Variants in PAH observed in about 807,000 individuals in gnomAD.
PAH encodes the protein phenylalanine-4-hydroxylase.
Under a neutral mutation model 62.0 loss-of-function variants are expected in PAH, and 64 were observed. That is an observed-to-expected ratio of 1.03 (90% confidence interval 0.84 to 1.27). PAH has a LOEUF of 1.27. Among genes scored for constraint, PAH ranks in the 50% most tolerant of loss-of-function variants. The pLI is 0.00. For synonymous variants in PAH, 195 were observed against 196.2 expected (o/e 0.99, Z 0.05); for missense variants, 579 against 542.8 (o/e 1.07, Z -0.66).
At chr12:102,942,519 A>G (rs989389603) in intron 1 of PAH, among the ~76,000 whole-genome samples, 4 of 152,128 alleles carry the variant, frequency 2.6e-5, no homozygotes, top group East Asian at 1.9e-4. Context: ...TGCTATTTCT[A>G]TGAAACTACC....
chr12:102,920,156 A>C (rs995053403), upstream of PAH, among the ~76,000 whole-genome samples: 5 of 152,244 alleles, frequency 3.3e-5, no homozygotes, highest in African/African-American at 1.2e-4. Context: ...TCTTTAAAAA[A>C]AATTATTCTG....
At chr12:102,857,956 T>C (rs1017878436) in intron 5 of PAH, among the ~76,000 whole-genome samples, 13 of 152,106 alleles carry the variant, frequency 8.5e-5, no homozygotes, top group Non-Finnish European at 1.0e-4. Flanking sequence ...AATGACAGGA[T>C]CAAATTCACA....
At chr12:102,885,954 C>G (rs572711995) in intron 3 of PAH, 5 of 152,522 alleles carry the variant, frequency 3.3e-5, no homozygotes, top group African/African-American at 9.6e-5. Context: ...GCAATGGCCT[C>G]CAGCCCCCCA....
intron 3 of PAH, among the ~76,000 whole-genome samples, chr12:102,878,508 C>T (rs1269973470): frequency 6.6e-6 from 1 of 152,060 alleles, no homozygotes; most frequent in Non-Finnish European, 1.5e-5. Flanking sequence ...AAACAAGATA[C>T]ATTGCAGGTG....
At chr12:102,892,085 C>T (rs1877302354) in intron 3 of PAH, among the ~76,000 whole-genome samples, 1 of 152,188 alleles carries the variant, frequency 6.6e-6, no homozygotes. Flanking sequence ...CAAGTGCCTG[C>T]CCTCCAGGGA....
At chr12:102,887,407 A>T (rs1877086907) in intron 3 of PAH, among the ~76,000 whole-genome samples, 1 of 152,106 alleles carries the variant, frequency 6.6e-6, no homozygotes, top group Non-Finnish European at 1.5e-5. Flanking sequence ...ACAATCCCAC[A>T]CATGAAGTTG....
intron 4 of PAH, among the ~76,000 whole-genome samples, chr12:102,870,795 G>C (rs1876276901): frequency 1.3e-5 from 2 of 152,118 alleles, no homozygotes; most frequent in Admixed American, 1.3e-4. Context: ...CCATCCTATA[G>C]ACATTGGTCA....
chr12:102,936,040 G>A (rs1879089002), intron 1 of PAH, among the ~76,000 whole-genome samples: 1 of 151,196 alleles, frequency 6.6e-6, no homozygotes, highest in Non-Finnish European at 1.5e-5. Context: ...TTTTCTTTTA[G>A]TACTACTTTC....
intron 1 of PAH, among the ~76,000 whole-genome samples, chr12:102,949,247 A>G (rs1367274100): frequency 1.3e-5 from 2 of 152,132 alleles, no homozygotes; most frequent in Non-Finnish European, 2.9e-5. Flanking sequence ...TGACCCAATG[A>G]CATTGCCTTC....
intron 3 of PAH, among the ~76,000 whole-genome samples, chr12:102,893,757 C>G (rs1877376979): frequency 6.6e-6 from 1 of 152,224 alleles, no homozygotes; most frequent in African/African-American, 2.4e-5. Context: ...CTATACTCTA[C>G]CACCCTTTTC....
At chr12:102,903,387 A>C (rs3847932) in intron 2 of PAH, among the ~76,000 whole-genome samples, 17,099 of 114,510 alleles carry the variant, frequency 0.15, 1,300 homozygotes, top group African/African-American at 0.29. Flanking sequence ...CACACACACA[A>C]AAAACAAACA....
chr12:102,884,908 T>G (rs1341572440), intron 3 of PAH, among the ~76,000 whole-genome samples: 1 of 152,184 alleles, frequency 6.6e-6, no homozygotes, highest in African/African-American at 2.4e-5. Flanking sequence ...TCCCAGGTGG[T>G]AGACATTATT....
At chr12:102,879,195 C>T (rs1398639841) in intron 3 of PAH, among the ~76,000 whole-genome samples, 1 of 152,032 alleles carries the variant, frequency 6.6e-6, no homozygotes, top group African/African-American at 2.4e-5. Flanking sequence ...TGAAGCCTTC[C>T]TACGTGCCAG....
Position 102,957,115 on chromosome 12 carries a change from C to A in PAH, c.-96+1080G>T, listed in dbSNP as rs1320892284. On this transcript the variant is annotated intron_variant, in intron 1 of 4. Transcript: ENST00000551337. This position sits in a 1 kb window ranked among gnomAD's most constrained non-coding sequence, Gnocchi z 4.1. ...AATTTGCTCCAATTTCTAGGGTCAC[C>A]GAGGAACCCGAAGAGAATAACAGTG... 6.6e-6 allele frequency among the ~76,000 whole-genome samples: 1 copy of A among 152,092 alleles called. No individual in the cohort carries two copies. Among genetic ancestry groups the A allele is most frequent in the Non-Finnish European group, 1.5e-5 (1 of 68,004 alleles).
At chr12:102,922,195 C>CTTTTTTTTTTTTTTTTTTTTTT (rs550531972), upstream of PAH, among the ~76,000 whole-genome samples, 1 of 124,986 alleles carries the variant, frequency 8.0e-6, no homozygotes, top group African/African-American at 3.1e-5. Context: ...TAAATCTTGC[C>CTTTTTTTTTTTTTTTTTTTTTT]TTTTTTTTTT....
At chr12:102,928,763 C>G (rs939683038) in intron 1 of PAH, among the ~76,000 whole-genome samples, 3 of 152,038 alleles carry the variant, frequency 2.0e-5, no homozygotes, top group Non-Finnish European at 4.4e-5. Flanking sequence ...TCTGTCTCAC[C>G]AGGGAAAAAG....
intron 4 of PAH, among the ~76,000 whole-genome samples, chr12:102,873,733 C>T (rs1393454959): frequency 1.3e-5 from 2 of 152,036 alleles, no homozygotes; most frequent in Non-Finnish European, 2.9e-5. Context: ...CTACCACTCA[C>T]GATAAGATAA....
chr12:102,953,196 T>A (rs1165382851), upstream of PAH: 3 of 152,162 alleles, frequency 2.0e-5, no homozygotes, highest in Admixed American at 2.0e-4. Context: ...CACCCCCAAA[T>A]TGAGGATTAC....
chr12:102,911,615 C>T (rs1455906488), intron 2 of PAH, among the ~76,000 whole-genome samples: 2 of 152,166 alleles, frequency 1.3e-5, no homozygotes, highest in African/African-American at 4.8e-5. Context: ...TCATGCTCTG[C>T]CTTCCCTCCC....
Sources: gnomAD v4.1 joint callset for allele counts (sites outside exome capture counted in the v4.1 genomes callset) on GRCh38, gnomAD v4.1.1 for gene constraint, Gnocchi (gnomAD v3.1) non-coding constraint, MANE v1.5 for transcripts, NCBI Gene and HGNC (gene_info 2026-07-23, HGNC 2026-07-21) for gene names.